CTNNAL1: variants seen among roughly 807,000 people sequenced by gnomAD.
The protein encoded by CTNNAL1 is alpha-catulin.
Under a neutral mutation model 93.6 loss-of-function variants are expected in CTNNAL1, and 69 were observed. The ratio of observed to expected loss-of-function variants is 0.74; its 90% confidence interval spans 0.61 to 0.90. The LOEUF is 0.90. Among genes scored for constraint, CTNNAL1 ranks in the 40% least tolerant of loss-of-function variants. The pLI is 0.00. For synonymous variants in CTNNAL1, 286 were observed against 305.4 expected, an observed-to-expected ratio of 0.94 and a Z score of 0.66; for missense variants, 836 against 862.0, an observed-to-expected ratio of 0.97 and a Z score of 0.38.
chr9:108,972,864 G>GGGCCCCCCCCCC, intron 8 of CTNNAL1, 31 bp from the exon 9 acceptor site: 73 of 142,228 alleles, frequency 5.1e-4, no homozygotes, highest in Non-Finnish European at 6.5e-4. Flanking sequence ...GGGGGGGTGG[G>GGGCCCCCCCCCC]AGGGTGGAGA....
At chr9:108,970,301 G>A in intron 10 of CTNNAL1, 101 bp downstream of exon 10, 2 of 970,164 alleles carry the variant, frequency 2.1e-6, no homozygotes, top group South Asian at 2.7e-5. Context: ...TGTATATTTG[G>A]ACTCTAGTTA....
chr9:109,008,500 G>A (rs1243265656), intron 1 of CTNNAL1, among the ~76,000 whole-genome samples: 1 of 152,112 alleles, frequency 6.6e-6, no homozygotes, highest in Non-Finnish European at 1.5e-5. Context: ...TACTGACTTA[G>A]GAGTGGAATT....
chr9:108,967,485 G>C (rs146038657), intron 10 of CTNNAL1, among the ~76,000 whole-genome samples: 2 of 152,314 alleles, frequency 1.3e-5, no homozygotes, highest in East Asian at 3.9e-4. Flanking sequence ...AGCTGTGAAT[G>C]AAACAGATAA....
chr9:108,979,747 A>C (rs1377941426), intron 6 of CTNNAL1, among the ~76,000 whole-genome samples: 1 of 152,266 alleles, frequency 6.6e-6, no homozygotes, highest in Non-Finnish European at 1.5e-5. Context: ...ACTAAGGCAG[A>C]AAGAGCATCA....
At chr9:108,943,544 G>A (rs1830309497) in intron 17 of CTNNAL1, among the ~76,000 whole-genome samples, 159 bp downstream of exon 17, 1 of 152,064 alleles carries the variant, frequency 6.6e-6, no homozygotes, top group East Asian at 1.9e-4. Context: ...TACTCTCTGG[G>A]GTCAGTTATG....
At chr9:108,955,374 T>G (rs370153250) in intron 12 of CTNNAL1, among the ~76,000 whole-genome samples, 3 of 152,340 alleles carry the variant, frequency 2.0e-5, no homozygotes, top group Admixed American at 6.5e-5. Context: ...CCCATAAGTA[T>G]GACATGTGAC....
At chr9:108,966,353 T>G (rs1830952031) in intron 10 of CTNNAL1, among the ~76,000 whole-genome samples, 1 of 152,384 alleles carries the variant, frequency 6.6e-6, no homozygotes. Flanking sequence ...CATCAAAATC[T>G]GTTTGTCTTC....
chr9:109,008,013 T>C (rs990965132), intron 1 of CTNNAL1, among the ~76,000 whole-genome samples: 4 of 152,188 alleles, frequency 2.6e-5, no homozygotes, highest in Admixed American at 6.5e-5. Flanking sequence ...CTGTGGTTTA[T>C]TCATTTCAGT....
intron 1 of CTNNAL1, among the ~76,000 whole-genome samples, chr9:109,009,044 G>T (rs1467226322): frequency 6.6e-6 from 1 of 151,488 alleles, no homozygotes; most frequent in African/African-American, 2.4e-5. Context: ...ACAGGTGCAT[G>T]CCATCACACC....
rs1831159869 is a variant in CTNNAL1, at chr9:108,972,912, C to T, written c.1189-79G>A. On this transcript the variant is annotated intron_variant, in intron 8 of 18. Coordinates refer to ENST00000325551, the MANE Select transcript of CTNNAL1 (RefSeq NM_003798.4). ...ATGAAGGAAAGAAAACAAACAATAA[C>T]ATTTTGTGACCAAGCACCACATCAG... 5 of 1,434,200 alleles carry T rather than the reference C, an allele frequency of 3.5e-6. No individual in the cohort carries two copies. The African/African-American group carries it at 4.3e-5, about 12-fold the overall frequency. 88.8% of individuals were successfully genotyped at this position (1,434,200 alleles called of 1,614,324 possible).
chr9:108,975,870 G>C (rs1831253176), intron 8 of CTNNAL1, among the ~76,000 whole-genome samples: 3 of 152,176 alleles, frequency 2.0e-5, no homozygotes, highest in South Asian at 4.1e-4. Flanking sequence ...TGTAGTTTGT[G>C]AACACCTGAC....
At chr9:108,943,080 AAGT>A in intron 17 of CTNNAL1, 36 bp from the exon 18 acceptor site, 1 of 1,553,880 alleles carries the variant, frequency 6.4e-7, no homozygotes, top group Non-Finnish European at 8.8e-7. Context: ...GATATTCTAA[AAGT>A]AGTACTTAAA....
chr9:108,982,075 G>A (rs984909199), intron 6 of CTNNAL1, among the ~76,000 whole-genome samples: 2 of 152,182 alleles, frequency 1.3e-5, no homozygotes, highest in African/African-American at 4.8e-5. Context: ...GGAGGGCATT[G>A]TACTAGATGA....
intron 17 of CTNNAL1, 95 bp from the exon 18 acceptor site, chr9:108,943,139 A>C: frequency 8.8e-7 from 1 of 1,135,398 alleles, no homozygotes; most frequent in East Asian, 2.6e-5. Context: ...ATTTCTCCAT[A>C]TGGAAATCTA....
Position 108,984,299 on chromosome 9 carries a change from G to T in CTNNAL1, c.729+48C>A, listed in dbSNP as rs201033883. 1.0e-4 allele frequency: 93 copies of T among 900,590 alleles called. No homozygotes were observed. The African/African-American group carries it at 1.4e-3, about 14-fold the overall frequency. 55.8% of individuals were successfully genotyped at this position (900,590 alleles called of 1,614,324 possible). Reference sequence around the variant, plus strand: ...ATGTAAGTTAAATGCATTTAGTCGGGTGTTCTAATTATTAATTTATTACAC... The same window carrying T: ...ATGTAAGTTAAATGCATTTAGTCGGTTGTTCTAATTATTAATTTATTACAC... On this transcript the variant is annotated intron_variant, in intron 5 of 18. Transcript: ENST00000325551.
At position 108,943,715 on chromosome 9, in the gene CTNNAL1, T is replaced by A. The variant is rs1353419860; in HGVS notation, c.2043A>T (p.Lys681Asn). 3.1e-6 allele frequency: 5 copies of A among 1,611,480 alleles called. No homozygotes were observed. Among genetic ancestry groups the A allele is most frequent in the Non-Finnish European group, 4.2e-6 (5 of 1,179,258 alleles). ...ATGTCTCTTTTACCTTTAGAAATAC[T>A]TTATTCTGCAAAGAAGTCTTAGTTA... ...QTVTKTSLQN[K>N]VFLKVDKCIT... The change falls in exon 17 of 19, where the codon AAA (lysine) becomes AAT (asparagine). Residue 681 changes from lysine to asparagine, a missense_variant. Transcript: ENST00000325551.
intron 8 of CTNNAL1, among the ~76,000 whole-genome samples, chr9:108,974,912 G>A (rs930271585): frequency 6.6e-6 from 1 of 152,066 alleles, no homozygotes; most frequent in African/African-American, 2.4e-5. Flanking sequence ...GGGTGCAGTG[G>A]CTCACTTTGG....
chr9:108,942,704 C>A lies in CTNNAL1; in HGVS notation c.*65G>T. ...ATGAATTTCTGAAAAGATAAAGGAT[C>A]ATTTGATTTTTAAAAATGTCAGCTT... On this transcript the variant is annotated 3_prime_UTR_variant, in exon 19 of 19. Coordinates refer to ENST00000325551, the MANE Select transcript of CTNNAL1 (RefSeq NM_003798.4). The A allele has an allele frequency of 9.7e-7, 1 of 1,035,178 alleles. No homozygotes were observed. Among genetic ancestry groups the A allele is most frequent in the South Asian group, 1.4e-5 (1 of 72,240 alleles). 64.1% of individuals were successfully genotyped at this position (1,035,178 alleles called of 1,614,324 possible).
At chr9:109,007,431 A>C (rs1163849945) in intron 1 of CTNNAL1, among the ~76,000 whole-genome samples, 1 of 152,164 alleles carries the variant, frequency 6.6e-6, no homozygotes, top group Non-Finnish European at 1.5e-5. Flanking sequence ...CTGTACAAAT[A>C]GTGAATAAAG....
Sources: allele counts gnomAD v4.1 joint callset (sites outside exome capture counted in the v4.1 genomes callset), GRCh38; gene constraint gnomAD v4.1.1; transcripts MANE v1.5; gene names NCBI Gene and HGNC (gene_info 2026-07-23, HGNC 2026-07-21).